KIAA0930: variants seen among roughly 807,000 people sequenced by gnomAD.
KIAA0930 encodes the protein uncharacterized protein KIAA0930.
Under a neutral mutation model 43.9 loss-of-function variants are expected in KIAA0930, and 24 were observed. The observed-to-expected ratio is 0.55, with a 90% CI of 0.40 to 0.77. KIAA0930 has a LOEUF of 0.77. KIAA0930 is among the 30% of genes least tolerant of loss of function. The pLI is 0.00. For missense variants in KIAA0930, 461 were observed against 574.2 expected, an observed-to-expected ratio of 0.80 and a Z score of 2.02; for synonymous variants, 259 against 216.4, an observed-to-expected ratio of 1.20 and a Z score of -1.73.
intron 1 of KIAA0930, among the ~76,000 whole-genome samples, chr22:45,217,360 C>CAAAAA (rs58492110): frequency 1.5e-5 from 1 of 68,698 alleles, no homozygotes; most frequent in Non-Finnish European, 2.6e-5. Context: ...GACCCCGTCT[C>CAAAAA]AAAAAAAAAA....
intron 2 of KIAA0930, among the ~76,000 whole-genome samples, chr22:45,208,368 A>ACACAGGAGC (rs1569075614): frequency 1.9e-4 from 28 of 146,254 alleles, no homozygotes; most frequent in South Asian, 2.2e-4. Flanking sequence ...CCGACTCCAC[A>ACACAGGAGC]TGCACGAGCT....
intron 9 of KIAA0930, 58 bp from the exon 10 acceptor site, chr22:45,197,274 A>G (rs2083545699): frequency 1.3e-6 from 2 of 1,482,274 alleles, no homozygotes; most frequent in Non-Finnish European, 9.1e-7. Context: ...GGTGAGTGCT[A>G]TGGTCACGGC....
chr22:45,199,202 G>A (rs2083563972), intron 8 of KIAA0930, among the ~76,000 whole-genome samples: 1 of 152,138 alleles, frequency 6.6e-6, no homozygotes, highest in Admixed American at 6.5e-5. Context: ...GCCTCCCTGG[G>A]GGCTCTGGGA....
chr22:45,204,934 G>A (rs566902604), intron 5 of KIAA0930, among the ~76,000 whole-genome samples: 7 of 152,200 alleles, frequency 4.6e-5, no homozygotes, highest in African/African-American at 1.4e-4. Flanking sequence ...TTTATGAGGC[G>A]TCCTCCCACT....
rs141242172 is a variant in KIAA0930, at chr22:45,238,875, GCTCT to G, written c.64+1761_64+1764del. 1.3e-3 allele frequency among the ~76,000 whole-genome samples: 182 copies of G among 145,136 alleles called. 1 individual carries two copies. Among genetic ancestry groups the G allele is most frequent in the South Asian group, 0.012 (53 of 4,552 alleles). On this transcript the variant is annotated intron_variant, in intron 1 of 9. Coordinates refer to ENST00000336156, the MANE Select transcript of KIAA0930 (RefSeq NM_001009880.2). The stretch of plus-strand genomic sequence containing the variant: ...TTCCTCATTGGTTGTCCCTGGGCAG[GCTCT>G]CTCTCTCTCTCTCTCTCTCTCTCAC...
At chr22:45,205,759 G>T in intron 3 of KIAA0930, 34 bp downstream of exon 3, 1 of 1,609,960 alleles carries the variant, frequency 6.2e-7, no homozygotes, top group Non-Finnish European at 8.5e-7. Context: ...ATCCCACAGG[G>T]CCAATCCGCA....
At chr22:45,212,993 G>A (rs562783857) in intron 1 of KIAA0930, among the ~76,000 whole-genome samples, 6 of 152,266 alleles carry the variant, frequency 3.9e-5, no homozygotes, top group Non-Finnish European at 7.3e-5. Flanking sequence ...AGATTAAACC[G>A]GGTCTGCTTT....
At position 45,193,891 on chromosome 22, in the gene KIAA0930, T is replaced by C. The variant is rs571404118; in HGVS notation, c.*3285A>G. ...ACCTATCACTCATCAGAACCTAGGA[T>C]CATCACATTCCTTTAAATGGAAAAG... On this transcript the variant is annotated 3_prime_UTR_variant, in exon 10 of 10. Transcript: ENST00000336156. The C allele has an allele frequency of 1.1e-4, 16 of 152,082 alleles. No homozygotes were observed. The highest frequency in any genetic ancestry group is 3.6e-4 in the African/African-American group (15 of 41,442). The allele number at this position is 152,082 out of a possible 1,614,324, so 9.4% of individuals were successfully genotyped here.
intron 1 of KIAA0930, among the ~76,000 whole-genome samples, chr22:45,237,186 A>C (rs2083892923): frequency 6.6e-6 from 1 of 152,214 alleles, no homozygotes; most frequent in Admixed American, 6.5e-5. Context: ...TTCATCTGTG[A>C]CCTGGAGTCA....
intron 1 of KIAA0930, among the ~76,000 whole-genome samples, chr22:45,230,580 CTTTTTTT>C (rs796595254): frequency 7.8e-6 from 1 of 128,670 alleles, no homozygotes; most frequent in African/African-American, 2.9e-5. Context: ...AGATCACATT[CTTTTTTT>C]TTTTTTTTTT....
chr22:45,207,121 C>T (rs551975778), intron 2 of KIAA0930, among the ~76,000 whole-genome samples: 11 of 151,034 alleles, frequency 7.3e-5, no homozygotes, highest in African/African-American at 2.2e-4. Context: ...ATTCTCCTGC[C>T]CCAGCCTCCC....
rs189752961 is a variant in KIAA0930 at position 45,207,331 on chromosome 22, T to G, written c.217-1419A>C. ...CGGCCTCAATTTATTTCTTATTTTTTTATTTTTTTGAGATGAAGTCTTGCT... is the reference window on the plus strand; with the variant it reads ...CGGCCTCAATTTATTTCTTATTTTTGTATTTTTTTGAGATGAAGTCTTGCT... On this transcript the variant is annotated intron_variant, in intron 2 of 9. Transcript: ENST00000336156. Among the ~76,000 whole-genome samples the G allele has an allele frequency of 7.2e-3, 1,036 of 143,418 alleles. 7 individuals carry two copies. Among genetic ancestry groups the G allele is most frequent in the Middle Eastern group, 0.013 (3 of 234 alleles). The allele number at this position is 143,418 out of a possible 152,430, so 94.1% of individuals were successfully genotyped here. A position where few individuals can be genotyped will look rare whatever the true frequency, so the allele number is the denominator to read the frequency against.
chr22:45,219,040 A>AAAGG (rs78599140), intron 1 of KIAA0930, among the ~76,000 whole-genome samples: 23,816 of 152,166 alleles, frequency 0.16, 2,154 homozygotes, highest in African/African-American at 0.25. Flanking sequence ...TGCACACTGA[A>AAAGG]AAGGGAAACT....
At chr22:45,218,761 G>A (rs1424124975) in intron 1 of KIAA0930, among the ~76,000 whole-genome samples, 1 of 152,064 alleles carries the variant, frequency 6.6e-6, no homozygotes. Context: ...CAGAAACTAA[G>A]CGAACCCGGG....
At chr22:45,201,250 GAGA>G (rs1473895937) in intron 7 of KIAA0930, among the ~76,000 whole-genome samples, 2 of 152,230 alleles carry the variant, frequency 1.3e-5, no homozygotes, top group African/African-American at 2.4e-5. Flanking sequence ...GACCCCGCCA[GAGA>G]AGGAGACAGG....
In KIAA0930 at chr22:45,216,388, G is replaced by GCTGCTGCAATGTGGGCTGCTGGAGACCCT. The variant is rs542605373; in HGVS notation, c.65-4310_65-4282dup. On this transcript the variant is annotated intron_variant, in intron 1 of 9. Transcript: ENST00000336156. ...GTGCTCTGCTGGCTGCACGGCTCCA[G>GCTGCTGCAATGTGGGCTGCTGGAGACCCT]CTGCTGCAATGTGGGCTGCTGGAGA... Among the ~76,000 whole-genome samples the GCTGCTGCAATGTGGGCTGCTGGAGACCCT allele has an allele frequency of 1.3e-3, 204 of 152,272 alleles. 5 individuals carry two copies. The South Asian group carries it at 0.042, about 31-fold the overall frequency.
At position 45,203,010 on chromosome 22, in the gene KIAA0930, C is replaced by G; in HGVS notation, c.832G>C (p.Ala278Pro). 1 of 1,610,400 alleles carries G rather than the reference C, an allele frequency of 6.2e-7. No individual in the cohort carries two copies. Among genetic ancestry groups the G allele is most frequent in the South Asian group, 1.1e-5 (1 of 90,506 alleles). Residue 278 changes from alanine (A) to proline (P), a missense_variant, in exon 7 of 10, where the codon GCT becomes CCT. Coordinates refer to ENST00000336156, the MANE Select transcript of KIAA0930 (RefSeq NM_001009880.2). ...CTTACCCGCTCGTGCATGGGCGAAGCTGGGCTGGAGTCCTCTTCAGTCCCA... is the reference window on the plus strand; with the variant it reads ...CTTACCCGCTCGTGCATGGGCGAAGGTGGGCTGGAGTCCTCTTCAGTCCCA... Reference protein sequence around the residue: ...PCGTEEDSSPASPMHERVTSF... With the variant: ...PCGTEEDSSPPSPMHERVTSF...
At chr22:45,219,555 A>G (rs1439716349) in intron 1 of KIAA0930, among the ~76,000 whole-genome samples, 2 of 146,308 alleles carry the variant, frequency 1.4e-5, no homozygotes, top group Non-Finnish European at 3.0e-5. Flanking sequence ...AAAAAAGTAC[A>G]TTAACACAGC....
At chr22:45,205,984 C>T in intron 2 of KIAA0930, 72 bp from the exon 3 acceptor site, 1 of 1,578,170 alleles carries the variant, frequency 6.3e-7, no homozygotes, top group Non-Finnish European at 8.6e-7. Context: ...GACTACTATG[C>T]AGGCATTACG....
Sources: allele counts gnomAD v4.1 joint callset (sites outside exome capture counted in the v4.1 genomes callset), GRCh38; gene constraint gnomAD v4.1.1; transcripts MANE v1.5; gene names NCBI Gene and HGNC (gene_info 2026-07-23, HGNC 2026-07-21).